The following CDH13 variants were observed in gnomAD, a reference collection of about 807,000 sequenced individuals.
The protein encoded by CDH13 is cadherin-13.
A neutral mutation model predicts 63.8 loss-of-function variants in CDH13; 24 were observed. That is an observed-to-expected ratio of 0.38 (90% confidence interval 0.27 to 0.53). The LOEUF is 0.53. Among genes scored for constraint, CDH13 ranks in the 20% least tolerant of loss-of-function variants. The probability of loss-of-function intolerance (pLI) is 0.85; values close to 1 mark genes in which losing one functional copy is unlikely to be tolerated. For missense variants in CDH13, 1,049 were observed against 903.1 expected (o/e 1.16, Z -2.07); for synonymous variants, 503 against 355.3 (o/e 1.42, Z -4.67).
intron 4 of CDH13, among the ~76,000 whole-genome samples, chr16:83,156,547 T>C (rs1461776352): frequency 1.3e-5 from 2 of 151,980 alleles, no homozygotes; most frequent in African/African-American, 4.8e-5. Context: ...TTGGAGAAAA[T>C]TGATTTTGTT....
chr16:82,706,744 C>A (rs555922641), intron 1 of CDH13, among the ~76,000 whole-genome samples: 2 of 151,596 alleles, frequency 1.3e-5, no homozygotes, highest in Admixed American at 6.6e-5. Context: ...ACGGAGGTTG[C>A]GGTGAGCTGA....
At chr16:83,271,012 C>T (rs1402501144) in intron 5 of CDH13, among the ~76,000 whole-genome samples, 1 of 151,390 alleles carries the variant, frequency 6.6e-6, no homozygotes, top group South Asian at 2.1e-4. Context: ...CCTTCCTCCC[C>T]CTCACTCTAA....
intron 1 of CDH13, chr16:82,823,999 C>T (rs917766251): frequency 6.6e-6 from 1 of 152,060 alleles, no homozygotes; most frequent in Non-Finnish European, 1.5e-5. Context: ...AGAAACCAAG[C>T]TGTCTTGAGA....
intron 5 of CDH13, among the ~76,000 whole-genome samples, chr16:83,328,123 C>CA (rs56838139): frequency 1.5e-5 from 2 of 136,206 alleles, no homozygotes; most frequent in Middle Eastern, 3.6e-3. Flanking sequence ...ACAGTATTGT[C>CA]AAAAAAAAAA....
intron 1 of CDH13, among the ~76,000 whole-genome samples, chr16:82,724,247 C>G (rs577105700): frequency 2.4e-4 from 36 of 151,980 alleles, no homozygotes; most frequent in African/African-American, 7.5e-4. Flanking sequence ...ATCCTTCCAT[C>G]CATCTATCCA....
rs1049446682 is a variant in CDH13 at position 83,020,255 on chromosome 16, C to T, written c.158-11755C>T. Among the ~76,000 whole-genome samples, 4 of 151,938 alleles carry T rather than the reference C, an allele frequency of 2.6e-5. No individual in the cohort carries two copies. In the South Asian group the frequency reaches 8.4e-4, roughly 32 times the overall value. On this transcript the variant is annotated intron_variant, in intron 2 of 13. Transcript: ENST00000567109. ...GACCTCAATGTATTCTCCTTCCTGGCCTTTTATTCTGGTTATTTCTGGAAG... is the reference window on the plus strand; with the variant it reads ...GACCTCAATGTATTCTCCTTCCTGGTCTTTTATTCTGGTTATTTCTGGAAG...
intron 7 of CDH13, among the ~76,000 whole-genome samples, chr16:83,576,188 T>A (rs4527010): frequency 1 from 152,199 of 152,342 alleles, 76,028 homozygotes; most frequent in Middle Eastern, 1. Flanking sequence ...AGTCCCTGGC[T>A]AAAAACAACC....
At chr16:83,066,489 A>G (rs2032021108) in intron 3 of CDH13, among the ~76,000 whole-genome samples, 1 of 152,206 alleles carries the variant, frequency 6.6e-6, no homozygotes. Flanking sequence ...CCCAAAGAGA[A>G]GAACTGCCTC....
chr16:83,512,964 C>G (rs564092134), intron 7 of CDH13, among the ~76,000 whole-genome samples: 10 of 151,756 alleles, frequency 6.6e-5, no homozygotes, highest in African/African-American at 2.4e-4. Flanking sequence ...GCTTTTTAAC[C>G]CTGGTCCTGG....
chr16:83,537,538 C>A (rs1476731654), intron 7 of CDH13, among the ~76,000 whole-genome samples: 1 of 151,944 alleles, frequency 6.6e-6, no homozygotes, highest in African/African-American at 2.4e-5. Flanking sequence ...GAAAAGGAAC[C>A]ATTTGCTCAC....
At chr16:82,877,650 CCT>C (rs1169218607) in intron 2 of CDH13, among the ~76,000 whole-genome samples, 2 of 151,940 alleles carry the variant, frequency 1.3e-5, no homozygotes, top group Non-Finnish European at 2.9e-5. Context: ...AACTGTAGGC[CCT>C]CTCAAGTCTT....
At chr16:82,728,327 G>A (rs74028590) in intron 1 of CDH13, among the ~76,000 whole-genome samples, 1,587 of 152,196 alleles carry the variant, frequency 0.01, 26 homozygotes, top group African/African-American at 0.037. Flanking sequence ...TTATGGGCTT[G>A]TTCTATCCAT....
intron 3 of CDH13, among the ~76,000 whole-genome samples, chr16:83,040,061 C>A (rs2151486578): frequency 6.6e-6 from 1 of 151,758 alleles, no homozygotes; most frequent in Middle Eastern, 3.4e-3. Context: ...TGCTGAGCTC[C>A]TGAGCTGAAG....
At chr16:83,259,088 G>A (rs1442956870) in intron 5 of CDH13, among the ~76,000 whole-genome samples, 1 of 152,190 alleles carries the variant, frequency 6.6e-6, no homozygotes, top group Non-Finnish European at 1.5e-5. Context: ...CAGGGCTGTG[G>A]TAGGATGTGG....
At chr16:82,704,492 T>C (rs2031317754) in intron 1 of CDH13, among the ~76,000 whole-genome samples, 2 of 152,222 alleles carry the variant, frequency 1.3e-5, no homozygotes, top group South Asian at 4.1e-4. Context: ...GCCCATTCTT[T>C]ACTCCTCCAC....
chr16:82,988,268 A>G (rs1911203157), intron 2 of CDH13, among the ~76,000 whole-genome samples: 1 of 152,232 alleles, frequency 6.6e-6, no homozygotes, highest in Admixed American at 6.5e-5. Context: ...AAATGCCTTT[A>G]GAGAATGAAA....
At chr16:82,992,753 T>C (rs775788762) in intron 2 of CDH13, among the ~76,000 whole-genome samples, 6 of 152,156 alleles carry the variant, frequency 3.9e-5, no homozygotes, top group Non-Finnish European at 8.8e-5. Flanking sequence ...AAAGTCTACT[T>C]TGAAATAAAG....
At chr16:83,528,187 C>T (rs13334498) in intron 7 of CDH13, among the ~76,000 whole-genome samples, 11,444 of 152,246 alleles carry the variant, frequency 0.075, 559 homozygotes, top group African/African-American at 0.15. Flanking sequence ...CACACTTGCA[C>T]GCATGCCTTC....
chr16:83,647,393 C>A (rs557941766), intron 8 of CDH13, among the ~76,000 whole-genome samples: 1 of 152,202 alleles, frequency 6.6e-6, no homozygotes, highest in South Asian at 2.1e-4. Context: ...ACGGGTGACC[C>A]CAGGAGGCTT....
Sources: gnomAD v4.1 joint callset for allele counts (sites outside exome capture counted in the v4.1 genomes callset) on GRCh38, gnomAD v4.1.1 for gene constraint, MANE v1.5 for transcripts, NCBI Gene and HGNC (gene_info 2026-07-23, HGNC 2026-07-21) for gene names.